Variants in FOCAD observed in about 807,000 individuals in gnomAD.
The protein encoded by FOCAD is focadhesin, also known as KIAA1797.
In FOCAD, 198 loss-of-function variants were observed where a neutral mutation model predicts 225.6. That is an observed-to-expected ratio of 0.88 (90% CI 0.78 to 0.99). The LOEUF (loss-of-function observed/expected upper bound fraction) is 0.99. Among genes scored for constraint, FOCAD ranks in the 50% least tolerant of loss-of-function variants. The pLI is 0.00. For missense variants in FOCAD, 2,713 were observed against 2,123.6 expected (o/e 1.28, Z -5.46); for synonymous variants, 897 against 755.0 (o/e 1.19, Z -3.08).
chr9:20,687,602 G>C (rs1431319485), intron 1 of FOCAD, among the ~76,000 whole-genome samples: 1 of 152,168 alleles, frequency 6.6e-6, no homozygotes, highest in Non-Finnish European at 1.5e-5. Context: ...ACGTGGAGAA[G>C]AATGGAGGAA....
chr9:20,826,855 T>A (rs1824944340), intron 15 of FOCAD, among the ~76,000 whole-genome samples: 1 of 152,040 alleles, frequency 6.6e-6, no homozygotes, highest in Non-Finnish European at 1.5e-5. Context: ...ACGCTATGAG[T>A]TTGTCATTTT....
intron 23 of FOCAD, among the ~76,000 whole-genome samples, chr9:20,916,053 T>C (rs1833840047): frequency 6.6e-6 from 1 of 152,194 alleles, no homozygotes; most frequent in African/African-American, 2.4e-5. Context: ...GAGTGACTCA[T>C]TCTCAGAGTG....
chr9:20,793,085 T>C (rs1175861562), intron 11 of FOCAD, among the ~76,000 whole-genome samples: 1 of 152,214 alleles, frequency 6.6e-6, no homozygotes, highest in Admixed American at 6.5e-5. Context: ...GTCGGCTACC[T>C]GTATTCTTCA....
chr9:20,798,129 G>C (rs1336894451), intron 11 of FOCAD, among the ~76,000 whole-genome samples: 2 of 152,236 alleles, frequency 1.3e-5, no homozygotes, highest in East Asian at 3.9e-4. Flanking sequence ...CTTTGGTTCT[G>C]TTTATATGCT....
At position 20,990,110 on chromosome 9, in the gene FOCAD, A is replaced by G. The variant is rs373292004; in HGVS notation, c.5005-13A>G. On this transcript the variant is annotated splice_polypyrimidine_tract_variant and intron_variant, in intron 41 of 43. Transcript: ENST00000338382. Reference sequence around the variant, plus strand: ...AAAAATATGACCTAACGTCATTTCTATTTTCATCGTAGGCTTTGGACTTCT... The same window carrying G: ...AAAAATATGACCTAACGTCATTTCTGTTTTCATCGTAGGCTTTGGACTTCT... 1.8e-5 allele frequency: 29 copies of G among 1,613,318 alleles called. No homozygotes were observed. Among genetic ancestry groups the G allele is most frequent in the East Asian group, 2.2e-5 (1 of 44,868 alleles).
intron 28 of FOCAD, among the ~76,000 whole-genome samples, chr9:20,939,074 C>T (rs996554394): frequency 2.8e-5 from 4 of 141,020 alleles, no homozygotes; most frequent in East Asian, 2.2e-4. Context: ...GGTGTGAACC[C>T]GGGAGGCGGA....
chr9:20,775,315 A>C (rs368949632), intron 8 of FOCAD, among the ~76,000 whole-genome samples: 1 of 152,214 alleles, frequency 6.6e-6, no homozygotes. Context: ...AATGATGCTC[A>C]CTGGGAGGAG....
intron 2 of FOCAD, among the ~76,000 whole-genome samples, chr9:20,665,295 T>C (rs139522508): frequency 1.1e-4 from 17 of 152,294 alleles, no homozygotes; most frequent in African/African-American, 4.1e-4. Flanking sequence ...TATAAATACC[T>C]TCTAATTTGC....
At chr9:20,995,350 C>A (rs1433264691) in intron 43 of FOCAD, among the ~76,000 whole-genome samples, 3 of 121,510 alleles carry the variant, frequency 2.5e-5, no homozygotes, top group Non-Finnish European at 5.0e-5. Context: ...TAACTGATTG[C>A]AGGGTAACTT....
chr9:20,885,365 G>C, intron 21 of FOCAD, 135 bp downstream of exon 21: 1 of 816,136 alleles, frequency 1.2e-6, no homozygotes. Context: ...CAAAATAGTT[G>C]ACCCAACTGA....
At chr9:20,985,861 A>G (rs1841106019) in intron 39 of FOCAD, among the ~76,000 whole-genome samples, 1 of 152,218 alleles carries the variant, frequency 6.6e-6, no homozygotes, top group Non-Finnish European at 1.5e-5. Flanking sequence ...TGCTAACATA[A>G]AAATAGTTTT....
intron 11 of FOCAD, among the ~76,000 whole-genome samples, chr9:20,806,945 G>A (rs951492506): frequency 6.6e-6 from 1 of 152,172 alleles, no homozygotes; most frequent in African/African-American, 2.4e-5. Flanking sequence ...CTTCTGCATA[G>A]ATTAAATTGA....
chr9:20,752,519 T>C (rs921256934), intron 5 of FOCAD, among the ~76,000 whole-genome samples: 4 of 152,188 alleles, frequency 2.6e-5, no homozygotes, highest in African/African-American at 9.7e-5. Flanking sequence ...TTGATCTATA[T>C]CTCTGTTTTG....
At chr9:20,791,758 A>C (rs1236105737) in intron 11 of FOCAD, among the ~76,000 whole-genome samples, 2 of 152,194 alleles carry the variant, frequency 1.3e-5, no homozygotes, top group Non-Finnish European at 2.9e-5. Context: ...GTAGAATAGA[A>C]GTAGGTGAAG....
At chr9:20,982,573 A>G (rs1206222956) in intron 39 of FOCAD, 127 bp downstream of exon 39, 2 of 715,640 alleles carry the variant, frequency 2.8e-6, no homozygotes, top group Non-Finnish European at 4.8e-6. Flanking sequence ...TCAGGAAACT[A>G]TATTTCATTT....
chr9:20,718,031 A>G (rs970423629), intron 3 of FOCAD, among the ~76,000 whole-genome samples, 163 bp downstream of exon 3: 4 of 152,192 alleles, frequency 2.6e-5, no homozygotes, highest in African/African-American at 9.7e-5. Flanking sequence ...TGCCTTTTTA[A>G]TATATAGCAA....
intron 35 of FOCAD, among the ~76,000 whole-genome samples, chr9:20,958,374 T>A (rs1838391586): frequency 1.3e-5 from 2 of 151,360 alleles, no homozygotes; most frequent in Admixed American, 6.6e-5. Flanking sequence ...GAGGTTGGTT[T>A]TTTTTTTAAG....
chr9:20,980,587 A>G (rs1840606917), intron 37 of FOCAD, among the ~76,000 whole-genome samples: 1 of 152,242 alleles, frequency 6.6e-6, no homozygotes, highest in South Asian at 2.1e-4. Flanking sequence ...GAGAAAACTC[A>G]TGCAACTACA....
At chr9:20,833,286 C>T (rs768362880) in intron 15 of FOCAD, among the ~76,000 whole-genome samples, 4 of 151,880 alleles carry the variant, frequency 2.6e-5, no homozygotes, top group Non-Finnish European at 2.9e-5. Context: ...TCAAGAGTTA[C>T]CAATAGCAGT....
Sources: gnomAD v4.1 joint callset for allele counts (sites outside exome capture counted in the v4.1 genomes callset) on GRCh38, gnomAD v4.1.1 for gene constraint, MANE v1.5 for transcripts, NCBI Gene and HGNC (gene_info 2026-07-23, HGNC 2026-07-21) for gene names.